The following CCDC171 variants were observed in gnomAD, a reference collection of about 807,000 sequenced individuals.
The protein encoded by CCDC171 is coiled-coil domain-containing protein 171.
Under a neutral mutation model 168.2 loss-of-function variants are expected in CCDC171, and 177 were observed. The ratio of observed to expected loss-of-function variants is 1.05; its 90% CI spans 0.93 to 1.19. CCDC171 has a LOEUF of 1.19. CCDC171 is among the 50% of genes most tolerant of loss of function. The pLI, the probability that CCDC171 is intolerant of heterozygous loss-of-function variation, is 0.00. For missense variants in CCDC171, 1,991 were observed against 1,539.0 expected (o/e 1.29, Z -4.91); for synonymous variants, 687 against 540.8 (o/e 1.27, Z -3.75).
intron 18 of CCDC171, among the ~76,000 whole-genome samples, chr9:15,759,515 AG>A (rs1466873428): frequency 1.3e-5 from 2 of 152,164 alleles, no homozygotes; most frequent in African/African-American, 4.8e-5. Flanking sequence ...AGAAGGATCT[AG>A]TTTAGAATTA....
chr9:16,025,518 A>G (rs1327508567), intron 6 of CCDC171, among the ~76,000 whole-genome samples: 2 of 152,176 alleles, frequency 1.3e-5, no homozygotes, highest in Non-Finnish European at 2.9e-5. Flanking sequence ...CACTATTCAC[A>G]GTGGCCAAAA....
At chr9:15,678,334 C>G (rs1035809537) in intron 9 of CCDC171, among the ~76,000 whole-genome samples, 1 of 152,068 alleles carries the variant, frequency 6.6e-6, no homozygotes, top group Non-Finnish European at 1.5e-5. Context: ...CACACTGGTT[C>G]TACTTGCATG....
intron 18 of CCDC171, among the ~76,000 whole-genome samples, chr9:15,748,015 G>A (rs2055426380): frequency 6.6e-6 from 1 of 152,108 alleles, no homozygotes. Context: ...AAGGTTAGAC[G>A]AGTGACTAAC....
At chr9:15,994,507 C>T (rs1285041434) in intron 3 of CCDC171, among the ~76,000 whole-genome samples, 7 of 152,152 alleles carry the variant, frequency 4.6e-5, no homozygotes, top group Non-Finnish European at 2.9e-5. Context: ...ATGGGTGCAA[C>T]ATGCCAACAT....
At chr9:15,958,977 T>TGGATAACTTTATTTTGAAGA (rs1830084777) in intron 25 of CCDC171, among the ~76,000 whole-genome samples, 1 of 152,182 alleles carries the variant, frequency 6.6e-6, no homozygotes, top group East Asian at 1.9e-4. Flanking sequence ...AGTGTTCATG[T>TGGATAACTTTATTTTGAAGA]GCCCTGTCTC....
the CCDC171 span, among the ~76,000 whole-genome samples, chr9:16,085,641 A>C: frequency 6.6e-6 from 1 of 152,348 alleles, no homozygotes. Context: ...ATGTGTTTCC[A>C]GGTCCTCCCC....
At chr9:15,938,655 A>C (rs1589182077) in intron 25 of CCDC171, among the ~76,000 whole-genome samples, 1 of 151,984 alleles carries the variant, frequency 6.6e-6, no homozygotes, top group Non-Finnish European at 1.5e-5. Flanking sequence ...TTAGCTGAGA[A>C]ATTGGGAAGA....
chr9:16,103,696 T>C, the CCDC171 span, among the ~76,000 whole-genome samples: 2 of 152,252 alleles, frequency 1.3e-5, no homozygotes, highest in South Asian at 2.1e-4. Flanking sequence ...ATGCTGGGAA[T>C]TGGCCTGCAG....
At chr9:15,955,814 A>T (rs574955233) in intron 25 of CCDC171, among the ~76,000 whole-genome samples, 45 of 152,204 alleles carry the variant, frequency 3.0e-4, no homozygotes, top group African/African-American at 1.1e-3. Flanking sequence ...GGTGCTTTCT[A>T]TCAGGGACTT....
intron 7 of CCDC171, among the ~76,000 whole-genome samples, chr9:15,632,507 C>G (rs1197525367): frequency 1.3e-5 from 2 of 151,892 alleles, no homozygotes; most frequent in African/African-American, 2.4e-5. Flanking sequence ...AACCACTGCT[C>G]AACAAAATAA....
At chr9:15,572,681 C>G (rs1387534754) in intron 3 of CCDC171, among the ~76,000 whole-genome samples, 1 of 152,162 alleles carries the variant, frequency 6.6e-6, no homozygotes, top group African/African-American at 2.4e-5. Flanking sequence ...CTGGCTACTA[C>G]TTTGTTCTTC....
intron 23 of CCDC171, among the ~76,000 whole-genome samples, chr9:15,856,332 AC>A (rs1362277164): frequency 9.2e-5 from 14 of 151,470 alleles, no homozygotes; most frequent in Admixed American, 9.2e-4. Context: ...ACAACTCCCC[AC>A]TTCTCCCTCC....
At position 15,983,054 on chromosome 9, in the gene CCDC171, T is replaced by G. The variant is rs559772153; in HGVS notation, n.369-37535T>G. ...TACCCTGGATTTCTTGTGCAGCACT[T>G]AACTATGGACTTGTGTTTGCTTCTT... is the stretch of plus-strand genomic sequence containing the variant. On this transcript the variant is annotated intron_variant and non_coding_transcript_variant, in intron 3 of 9. Transcript: ENST00000486641. Among the ~76,000 whole-genome samples the G allele has an allele frequency of 2.6e-5, 4 of 152,326 alleles. No homozygotes were observed. In the South Asian group the frequency reaches 8.3e-4, roughly 32 times the overall value.
intron 20 of CCDC171, among the ~76,000 whole-genome samples, chr9:15,782,978 G>A (rs571271790): frequency 6.6e-6 from 1 of 152,172 alleles, no homozygotes; most frequent in East Asian, 1.9e-4. Context: ...TATTAACTTA[G>A]GTAAATCATT....
At chr9:15,876,166 A>G (rs905445508) in intron 24 of CCDC171, 3 of 152,130 alleles carry the variant, frequency 2.0e-5, no homozygotes, top group Non-Finnish European at 4.4e-5. Context: ...CAAGAAGGAA[A>G]TGTAGAGACC....
At chr9:15,988,559 G>A (rs1832076915) in intron 3 of CCDC171, among the ~76,000 whole-genome samples, 1 of 152,302 alleles carries the variant, frequency 6.6e-6, no homozygotes, top group Admixed American at 6.5e-5. Flanking sequence ...TCTCACTGGG[G>A]CTTGTCAGAC....
chr9:15,638,295 T>G (rs979340675), intron 7 of CCDC171, among the ~76,000 whole-genome samples: 1 of 152,168 alleles, frequency 6.6e-6, no homozygotes, highest in Non-Finnish European at 1.5e-5. Context: ...TGTATATTAG[T>G]TAGTATATTT....
At chr9:15,762,069 C>T (rs975052838) in intron 18 of CCDC171, among the ~76,000 whole-genome samples, 1 of 149,200 alleles carries the variant, frequency 6.7e-6, no homozygotes, top group African/African-American at 2.5e-5. Context: ...TATACAAAAT[C>T]AAAATAATTT....
At chr9:16,049,929 C>G (rs1300445432) in intron 1 of CCDC171, among the ~76,000 whole-genome samples, 6 of 152,214 alleles carry the variant, frequency 3.9e-5, no homozygotes, top group Admixed American at 3.3e-4. Flanking sequence ...CTCTGTCACA[C>G]AGGCTGGAGT....
Sources: allele counts gnomAD v4.1 joint callset (sites outside exome capture counted in the v4.1 genomes callset), GRCh38; gene constraint gnomAD v4.1.1; transcripts MANE v1.5; gene names NCBI Gene and HGNC (gene_info 2026-07-23, HGNC 2026-07-21).